JAG2: variants seen among roughly 807,000 people sequenced by gnomAD.
JAG2 encodes jagged canonical Notch ligand 2.
A neutral mutation model predicts 141.7 loss-of-function variants in JAG2; 46 were observed. That is an observed-to-expected ratio of 0.32 (90% CI 0.26 to 0.42). The LOEUF is 0.42. Ranked by LOEUF, JAG2 falls within the 10% of genes least tolerant of loss-of-function variation. The probability of loss-of-function intolerance (pLI) is 1.00; values close to 1 mark genes in which losing one functional copy is unlikely to be tolerated. For missense variants in JAG2, 1,500 were observed against 1,817.5 expected (o/e 0.83, Z 3.18); for synonymous variants, 862 against 763.5 (o/e 1.13, Z -2.13).
At chr14:105,150,801 G>A (rs747000714) in intron 11 of JAG2, 24 bp from the exon 12 acceptor site, 55 of 1,578,882 alleles carry the variant, frequency 3.5e-5, no homozygotes, top group African/African-American at 1.5e-4. Flanking sequence ...CCAGGTGAGC[G>A]TCCCGCAGGC....
chr14:105,161,130 G>A (rs963305026), intron 2 of JAG2, among the ~76,000 whole-genome samples: 2 of 149,730 alleles, frequency 1.3e-5, no homozygotes, highest in Admixed American at 1.3e-4. Flanking sequence ...AGGTCTGTTG[G>A]GGGTCTGAGT....
Position 105,145,985 on chromosome 14 carries a change from C to G in JAG2, c.2710-12G>C. 1 of 1,592,658 alleles carries G rather than the reference C, an allele frequency of 6.3e-7. No individual in the cohort carries two copies. Among genetic ancestry groups the G allele is most frequent in the Non-Finnish European group, 8.5e-7 (1 of 1,172,186 alleles). On this transcript the variant is annotated splice_polypyrimidine_tract_variant and intron_variant, in intron 22 of 25. Coordinates refer to ENST00000331782, the MANE Select transcript of JAG2 (RefSeq NM_002226.5). ...CATCCGCACCACACCTGGGCAGGCA[C>G]GCACAGGAGGGTCAGGCGCAGGCGC...
intron 2 of JAG2, among the ~76,000 whole-genome samples, chr14:105,160,978 G>C (rs1033991339): frequency 6.6e-6 from 1 of 152,240 alleles, no homozygotes; most frequent in Non-Finnish European, 1.5e-5. Flanking sequence ...AGGCCCAGGG[G>C]CTGAGAACGC....
In JAG2 at chr14:105,148,403, C is replaced by A; in HGVS notation, c.2057G>T (p.Arg686Leu). The change falls in exon 16 of 26, where the codon CGC becomes CTC. Residue 686 changes from arginine to leucine, a missense_variant. Around this residue, in one of 3 missense-constraint regions of JAG2, gnomAD observed 875 missense variants for 1,202.2 expected, o/e 0.73. Coordinates refer to ENST00000331782, the MANE Select transcript of JAG2 (RefSeq NM_002226.5). ...ATTGACCAGGTCGTAGCAGCGGCCGCGGCTGTGGCAGGGATCGGGAAGGCA... is the reference window on the plus strand; with the variant it reads ...ATTGACCAGGTCGTAGCAGCGGCCGAGGCTGTGGCAGGGATCGGGAAGGCA... Reference protein sequence around the residue: ...NDCLPDPCHSRGRCYDLVNDF... With the variant: ...NDCLPDPCHSLGRCYDLVNDF... 6.2e-7 allele frequency: 1 copy of A among 1,612,074 alleles called. No individual in the cohort carries two copies.
chr14:105,146,567 G>A (rs1566760172), intron 21 of JAG2, 44 bp downstream of exon 21: 2 of 1,604,750 alleles, frequency 1.2e-6, no homozygotes, highest in Non-Finnish European at 1.7e-6. Flanking sequence ...TGTCACCCAT[G>A]CCCCCCAACC....
rs2141001259 is a variant in JAG2 at position 105,168,638 on chromosome 14, CGCTGGCGGCCGCGCTCCGGCTG to C, written c.-240_-219del. 6.8e-6 allele frequency: 1 copy of C among 146,562 alleles called. No homozygotes were observed. The highest frequency in any genetic ancestry group is 2.5e-5 in the African/African-American group (1 of 40,564). The allele number at this position is 146,562 out of a possible 1,614,324, so 9.1% of individuals were successfully genotyped here. On this transcript the variant is annotated 5_prime_UTR_variant, in exon 1 of 26. Transcript: ENST00000331782. ...TGCAGGGGCGGCGGCAGCTCCGGCT[CGCTGGCGGCCGCGCTCCGGCTG>C]CCCGGCCCGGCTCCCACCCGGCGGC...
intron 5 of JAG2, 101 bp from the exon 6 acceptor site, chr14:105,152,392 G>A (rs61999503): frequency 0.055 from 78,232 of 1,422,798 alleles, 2,829 homozygotes; most frequent in Admixed American, 0.15. Context: ...CAGGGCCGGC[G>A]GGCGGCCTCA....
intron 15 of JAG2, 120 bp from the exon 16 acceptor site, chr14:105,148,559 C>T (rs1267879185): frequency 8.1e-6 from 6 of 739,596 alleles, no homozygotes; most frequent in East Asian, 2.8e-5. Context: ...GGAGGAGCGT[C>T]GGGCCGGGGG....
In JAG2 at chr14:105,149,043, T is replaced by C; in HGVS notation, c.1800A>G (p.Thr600=). ...GGGGGCCACACACGCCGGAGGCTGC[T>C]GTGCCAGGCATCCCAGGCCCCGCGT... ...GSDAGPGMPG[T]AASGVCGPHG... The change falls in exon 14 of 26, where the codon ACA becomes ACG. Residue 600 remains threonine (T), a synonymous_variant. Coordinates refer to ENST00000331782, the MANE Select transcript of JAG2 (RefSeq NM_002226.5). 1.2e-6 allele frequency: 2 copies of C among 1,608,648 alleles called. No individual in the cohort carries two copies. The highest frequency in any genetic ancestry group is 1.7e-6 in the Non-Finnish European group (2 of 1,178,358).
intron 24 of JAG2, 50 bp downstream of exon 24, chr14:105,144,880 A>G (rs1374328609): frequency 6.3e-7 from 1 of 1,585,120 alleles, no homozygotes; most frequent in East Asian, 2.3e-5. Context: ...GGACCTGCAT[A>G]GTACGGGACC....
In JAG2 at chr14:105,168,361, C is replaced by T; in HGVS notation, c.60G>A (p.Trp20Ter). 9.9e-7 allele frequency: 1 copy of T among 1,014,410 alleles called. No homozygotes were observed. The highest frequency in any genetic ancestry group is 1.2e-6 in the Non-Finnish European group (1 of 820,126). 62.8% of individuals were successfully genotyped at this position (1,014,410 alleles called of 1,614,324 possible). A position where few individuals can be genotyped will look rare whatever the true frequency, so the allele number is the denominator to read the frequency against. Residue 20 changes from tryptophan to a stop codon, truncating the protein, a stop_gained, in exon 1 of 26, where the codon TGG becomes TGA. Transcript: ENST00000331782. LOFTEE classifies it high-confidence loss of function. ...PRRLLLLLAL[W>*]VQAARPMGYF... The stretch of plus-strand genomic sequence containing the variant: ...CCCCCGCCGCCCCGCTCACCTGCAC[C>T]CAGAGCGCCAGCAGCAGCAGCAGCC...
At position 105,151,213 on chromosome 14, in the gene JAG2, C is replaced by CAGCCCCA. The variant is rs1555370222; in HGVS notation, c.1267+69_1267+70insTGGGGCT. The CAGCCCCA allele has an allele frequency of 1.2e-3, 1,706 of 1,372,538 alleles. 4 individuals carry two copies. The highest frequency in any genetic ancestry group is 1.5e-3 in the Non-Finnish European group (1,457 of 992,128). 85.0% of individuals were successfully genotyped at this position (1,372,538 alleles called of 1,614,324 possible). A position where few individuals can be genotyped will look rare whatever the true frequency, so the allele number is the denominator to read the frequency against. On this transcript the variant is annotated intron_variant, in intron 9 of 25. Transcript: ENST00000331782. ...CAGCCCCAGCAGCCCCAGCAGCCCC[C>CAGCCCCA]GCAGCCCCAGCAGCCCCCGCAGCCC...
chr14:105,152,378 C>A, intron 5 of JAG2, 87 bp from the exon 6 acceptor site: 1 of 1,496,072 alleles, frequency 6.7e-7, no homozygotes, highest in Non-Finnish European at 9.1e-7. Context: ...ACCCACGCCA[C>A]ACCCAGGGCC....
intron 9 of JAG2, 56 bp from the exon 10 acceptor site, chr14:105,151,160 G>T: frequency 6.5e-7 from 1 of 1,543,432 alleles, no homozygotes; most frequent in Non-Finnish European, 8.8e-7. Flanking sequence ...GCCCCCTGCA[G>T]CACGGGCACC....
rs1407291470 is a variant in JAG2, at chr14:105,148,147, G to A, written c.2217C>T (p.Pro739=). 6.5e-7 allele frequency: 1 copy of A among 1,549,894 alleles called. No individual in the cohort carries two copies. Among genetic ancestry groups the A allele is most frequent in the East Asian group, 2.4e-5 (1 of 40,978 alleles). Residue 739 remains proline, a synonymous_variant, in exon 17 of 26, where the codon CCC becomes CCT. Coordinates refer to ENST00000331782, the MANE Select transcript of JAG2 (RefSeq NM_002226.5). The stretch of plus-strand genomic sequence containing the variant: ...CGCAGGTGCTGCCCTTCCAGCCGGG[G>A]GGGCAGGCGCAGCGGAAGGTGTCGC... The part of the protein sequence containing the change: ...DSGDTFRCAC[P]PGWKGSTCAV...
At chr14:105,147,955 C>T (rs1349323197) in intron 17 of JAG2, 67 bp from the exon 18 acceptor site, 26 of 1,306,456 alleles carry the variant, frequency 2.0e-5, no homozygotes, top group Admixed American at 1.2e-4. Context: ...CTCCATACCG[C>T]GCCCCCAACC....
At chr14:105,148,657 C>T (rs937280849) in intron 15 of JAG2, 88 bp downstream of exon 15, 33 of 1,229,366 alleles carry the variant, frequency 2.7e-5, no homozygotes, top group East Asian at 5.1e-5. Context: ...CGGGGCCTGC[C>T]GCACCCAGAC....
At chr14:105,163,118 C>T (rs915128060) in intron 2 of JAG2, among the ~76,000 whole-genome samples, 4 of 152,108 alleles carry the variant, frequency 2.6e-5, no homozygotes, top group Admixed American at 6.5e-5. Flanking sequence ...CTCGGCCTCC[C>T]GCATCAGCCT....
chr14:105,141,869 A>G lies in JAG2; in HGVS notation c.*826T>C, dbSNP rs1403104506. ...GCGCCTGGTGCCACGGCACGCGTGG[A>G]CAGTTGCGAGGGGTCTGTGTGAAGG... On this transcript the variant is annotated 3_prime_UTR_variant, in exon 26 of 26. Transcript: ENST00000331782. 1 of 152,610 alleles carries G rather than the reference A, an allele frequency of 6.6e-6. No individual in the cohort carries two copies. The highest frequency in any genetic ancestry group is 2.4e-5 in the African/African-American group (1 of 41,472). 9.5% of individuals were successfully genotyped at this position (152,610 alleles called of 1,614,324 possible).
Sources: gnomAD v4.1 joint callset for allele counts (sites outside exome capture counted in the v4.1 genomes callset) on GRCh38, gnomAD v4.1.1 for gene constraint, gnomAD v4.1.1 regional missense constraint, MANE v1.5 for transcripts, NCBI Gene and HGNC (gene_info 2026-07-23, HGNC 2026-07-21) for gene names.